Variants in GDPD4 observed in about 807,000 individuals in gnomAD.
GDPD4 encodes the protein glycerophosphodiester phosphodiesterase 6.
Under a neutral mutation model 67.8 loss-of-function variants are expected in GDPD4, and 60 were observed. The ratio of observed to expected loss-of-function variants is 0.88; its 90% CI spans 0.72 to 1.10. GDPD4 has a LOEUF of 1.10. Among genes scored for constraint, GDPD4 ranks in the 50% least tolerant of loss-of-function variants. GDPD4 has a pLI of 0.00. For synonymous variants in GDPD4, 212 were observed against 210.9 expected, an observed-to-expected ratio of 1.00 and a Z score of -0.04; for missense variants, 623 against 613.9, an observed-to-expected ratio of 1.01 and a Z score of -0.16.
intron 13 of GDPD4, among the ~76,000 whole-genome samples, chr11:77,234,433 G>A (rs947027953): frequency 2.0e-5 from 3 of 152,100 alleles, no homozygotes; most frequent in Non-Finnish European, 2.9e-5. Flanking sequence ...ACTGAGGTTT[G>A]AATCTGCTAC....
At chr11:77,294,016 A>G (rs1485989562) in intron 1 of GDPD4, among the ~76,000 whole-genome samples, 1 of 152,230 alleles carries the variant, frequency 6.6e-6, no homozygotes, top group Admixed American at 6.5e-5. Flanking sequence ...CAAAAAACTT[A>G]GAATTAATAA....
intron 16 of GDPD4, among the ~76,000 whole-genome samples, chr11:77,218,122 A>T (rs1958159793): frequency 6.6e-6 from 1 of 150,550 alleles, no homozygotes. Flanking sequence ...GCTTTATAGG[A>T]GAAAGGGAAT....
At position 77,257,532 on chromosome 11, in the gene GDPD4, C is replaced by CTA. The variant is rs1363530792; in HGVS notation, c.864+852_864+853dup. On this transcript the variant is annotated intron_variant, in intron 11 of 16. Transcript: ENST00000315938. Reference sequence around the variant, plus strand: ...CCTCTTCCTTCCTCTCTTCTTTCCTCTATCCCTCCCTCCCTCTCCTACACA... The same window carrying CTA: ...CCTCTTCCTTCCTCTCTTCTTTCCTCTATATCCCTCCCTCCCTCTCCTACACA... 5.0e-4 allele frequency among the ~76,000 whole-genome samples: 73 copies of CTA among 144,626 alleles called. 1 individual carries two copies. Among genetic ancestry groups the CTA allele is most frequent in the Non-Finnish European group, 5.1e-4 (34 of 66,916 alleles). 94.9% of individuals were successfully genotyped at this position (144,626 alleles called of 152,430 possible).
At chr11:77,248,378 T>G (rs1415520926) in intron 11 of GDPD4, among the ~76,000 whole-genome samples, 2 of 151,716 alleles carry the variant, frequency 1.3e-5, no homozygotes, top group East Asian at 4.0e-4. Flanking sequence ...CATTGTTGTA[T>G]TTTTACTAGA....
At chr11:77,239,847 A>G (rs954873973) in intron 13 of GDPD4, among the ~76,000 whole-genome samples, 1 of 152,074 alleles carries the variant, frequency 6.6e-6, no homozygotes, top group African/African-American at 2.4e-5. Flanking sequence ...CTGTAATCCC[A>G]GCTACTTGGG....
chr11:77,248,422 C>T (rs1591545121), intron 11 of GDPD4, among the ~76,000 whole-genome samples: 2 of 151,924 alleles, frequency 1.3e-5, no homozygotes, highest in African/African-American at 4.8e-5. Flanking sequence ...AGGCTGATCT[C>T]GAACTCCTGA....
intron 5 of GDPD4, among the ~76,000 whole-genome samples, chr11:77,274,635 C>T (rs1474922701): frequency 6.6e-6 from 1 of 152,148 alleles, no homozygotes; most frequent in Non-Finnish European, 1.5e-5. Context: ...GCCTGCAGAA[C>T]CATGAGACAA....
intron 16 of GDPD4, among the ~76,000 whole-genome samples, chr11:77,222,557 C>T (rs1384221866): frequency 1.3e-5 from 2 of 152,156 alleles, no homozygotes; most frequent in Non-Finnish European, 2.9e-5. Context: ...TGAATATTGG[C>T]CCCCACTCTC....
chr11:77,217,360 C>T lies in GDPD4; in HGVS notation c.1526-46G>A, dbSNP rs1356918665. The T allele has an allele frequency of 2.1e-6, 3 of 1,430,320 alleles. No individual in the cohort carries two copies. The African/African-American group carries it at 4.2e-5, about 20-fold the overall frequency. The allele number at this position is 1,430,320 out of a possible 1,614,324, so 88.6% of individuals were successfully genotyped here. A position where few individuals can be genotyped will look rare whatever the true frequency, so the allele number is the denominator to read the frequency against. On this transcript the variant is annotated intron_variant, in intron 16 of 16. Transcript: ENST00000315938. ...AGATTCCTCAAATGTCACTTCTCCA[C>T]TCTCTGTCAGTCATGTGTGAAATTC...
chr11:77,279,183 C>T (rs576179489), intron 4 of GDPD4, 123 bp downstream of exon 4: 1 of 599,932 alleles, frequency 1.7e-6, no homozygotes, highest in African/African-American at 1.8e-5. Flanking sequence ...CCCAACTCTA[C>T]TAAGACAAGA....
intron 1 of GDPD4, among the ~76,000 whole-genome samples, chr11:77,296,155 G>A (rs1033393839): frequency 6.7e-6 from 1 of 150,298 alleles, no homozygotes; most frequent in Non-Finnish European, 1.5e-5. Flanking sequence ...GGAGGCTGAG[G>A]CAGGAGAATG....
intron 1 of GDPD4, among the ~76,000 whole-genome samples, chr11:77,294,256 A>G (rs1937876949): frequency 1.3e-5 from 2 of 152,214 alleles, no homozygotes; most frequent in Admixed American, 1.3e-4. Context: ...TGCTGGGGGA[A>G]ACTGAAACTG....
At chr11:77,269,994 A>C in intron 7 of GDPD4, 34 bp from the exon 8 acceptor site, 1 of 1,109,424 alleles carries the variant, frequency 9.0e-7, no homozygotes, top group Non-Finnish European at 1.4e-6. Flanking sequence ...AAAAGAGTTC[A>C]TTATTGTCCC....
intron 14 of GDPD4, among the ~76,000 whole-genome samples, chr11:77,231,000 G>A (rs985799116): frequency 3.9e-5 from 6 of 152,258 alleles, no homozygotes; most frequent in Admixed American, 6.5e-5. Flanking sequence ...GCGACGACAC[G>A]AAGAGAAACT....
intron 1 of GDPD4, among the ~76,000 whole-genome samples, chr11:77,297,568 G>T (rs1298170803): frequency 6.6e-6 from 1 of 151,828 alleles, no homozygotes; most frequent in African/African-American, 2.4e-5. Flanking sequence ...AGATGCTCTG[G>T]AGCTCCTTGC....
chr11:77,233,225 A>G, intron 13 of GDPD4, 53 bp from the exon 14 acceptor site: 1 of 1,560,282 alleles, frequency 6.4e-7, no homozygotes, highest in Non-Finnish European at 8.8e-7. Context: ...CATTCTCATC[A>G]TCTAAAAGGA....
intron 13 of GDPD4, among the ~76,000 whole-genome samples, chr11:77,240,872 G>A (rs1344892001): frequency 6.6e-6 from 1 of 152,134 alleles, no homozygotes; most frequent in Admixed American, 6.5e-5. Flanking sequence ...ACCACAAGGA[G>A]ATATCTCACA....
chr11:77,282,033 C>T (rs1027476001), intron 3 of GDPD4, among the ~76,000 whole-genome samples: 2 of 151,934 alleles, frequency 1.3e-5, no homozygotes, highest in East Asian at 1.9e-4. Context: ...TACAAAACAA[C>T]AATAATGTCG....
intron 12 of GDPD4, among the ~76,000 whole-genome samples, chr11:77,244,827 A>G (rs1958749668): frequency 6.6e-6 from 1 of 152,226 alleles, no homozygotes; most frequent in South Asian, 2.1e-4. Context: ...GGGATTTGGA[A>G]CAACTGACTG....
Sources: allele counts gnomAD v4.1 joint callset (sites outside exome capture counted in the v4.1 genomes callset), GRCh38; gene constraint gnomAD v4.1.1; transcripts MANE v1.5; gene names NCBI Gene and HGNC (gene_info 2026-07-23, HGNC 2026-07-21).